The following SIDT2 variants were observed in gnomAD, a reference collection of about 807,000 sequenced individuals.
SIDT2 encodes the protein SID1 transmembrane family, member 2.
SIDT2 carries 68 observed loss-of-function variants against 114.4 expected under a neutral mutation model. The observed-to-expected ratio is 0.59, with a 90% CI of 0.49 to 0.73. The LOEUF (loss-of-function observed/expected upper bound fraction) is 0.73. SIDT2 is among the 30% of genes least tolerant of loss of function. The pLI is 0.00. For synonymous variants in SIDT2, 470 were observed against 438.4 expected (o/e 1.07, Z -0.90); for missense variants, 918 against 1,097.1 (o/e 0.84, Z 2.31).
In SIDT2 at chr11:117,192,030, G is replaced by C. The variant is rs1205767840; in HGVS notation, c.1872+16G>C. 10 of 1,613,970 alleles carry C rather than the reference G, an allele frequency of 6.2e-6. No homozygotes were observed. The highest frequency in any genetic ancestry group is 1.3e-5 in the African/African-American group (1 of 75,030). ...GCTGGGCGTGGTGAGGGCCTGACCT[G>C]CTCTGCTCAGCCTGTATGATAGGAA... On this transcript the variant is annotated intron_variant, in intron 19 of 25. Coordinates refer to ENST00000324225, the MANE Select transcript of SIDT2 (RefSeq NM_001040455.2). The surrounding 1 kb of genome is among the most constrained non-coding windows in gnomAD (Gnocchi z 5.9).
Position 117,192,050 on chromosome 11 carries a change from T to C in SIDT2, c.1872+36T>C, listed in dbSNP as rs1306826973. Reference sequence around the variant, plus strand: ...GACCTGCTCTGCTCAGCCTGTATGATAGGAAAGGTGCACGTGCGTTCAGAC... The same window carrying C: ...GACCTGCTCTGCTCAGCCTGTATGACAGGAAAGGTGCACGTGCGTTCAGAC... On this transcript the variant is annotated intron_variant, in intron 19 of 25. Transcript: ENST00000324225. This position sits in a 1 kb window ranked among gnomAD's most constrained non-coding sequence, Gnocchi z 5.9. 2 of 1,612,482 alleles carry C rather than the reference T, an allele frequency of 1.2e-6. No individual in the cohort carries two copies. Among genetic ancestry groups the C allele is most frequent in the Non-Finnish European group, 1.7e-6 (2 of 1,179,102 alleles).
intron 24 of SIDT2, 50 bp downstream of exon 24, chr11:117,194,013 C>T: frequency 7.0e-7 from 1 of 1,429,126 alleles, no homozygotes; most frequent in Non-Finnish European, 9.8e-7. Flanking sequence ...GGCCAGTCCT[C>T]TTTTTAAACA....
chr11:117,182,897 C>A, intron 6 of SIDT2, 91 bp downstream of exon 6: 1 of 1,365,638 alleles, frequency 7.3e-7, no homozygotes, highest in Admixed American at 2.1e-5. Flanking sequence ...CTGCCCATTC[C>A]TATCCTACAC....
chr11:117,184,941 G>A (rs1033057372), intron 8 of SIDT2, among the ~76,000 whole-genome samples: 1 of 152,070 alleles, frequency 6.6e-6, no homozygotes, highest in African/African-American at 2.4e-5. Context: ...TGGCCAGGCT[G>A]GTCTTGAACT....
At chr11:117,189,284 T>G (rs372481720) in intron 14 of SIDT2, 42 bp downstream of exon 14, 1 of 1,612,788 alleles carries the variant, frequency 6.2e-7, no homozygotes, top group African/African-American at 1.3e-5. Context: ...TTGGTGGGTG[T>G]GTGGCAGCCT....
Position 117,192,248 on chromosome 11 carries a change from C to G in SIDT2, c.1873-6C>G. The G allele has an allele frequency of 6.3e-7, 1 of 1,589,848 alleles. No individual in the cohort carries two copies. Among genetic ancestry groups the G allele is most frequent in the African/African-American group, 1.3e-5 (1 of 74,448 alleles). ...CTCACCGCTGCCCTTGGTGGCCTCC[C>G]GACAGGTCTTTGGCAAAGGGAACAC... is the stretch of plus-strand genomic sequence containing the variant. On this transcript the variant is annotated splice_polypyrimidine_tract_variant and splice_region_variant and intron_variant, in intron 19 of 25. Coordinates refer to ENST00000324225, the MANE Select transcript of SIDT2 (RefSeq NM_001040455.2). This position sits in a 1 kb window ranked among gnomAD's most constrained non-coding sequence, Gnocchi z 5.9.
intron 8 of SIDT2, among the ~76,000 whole-genome samples, chr11:117,184,915 G>A (rs1213164228): frequency 1.3e-5 from 2 of 151,934 alleles, no homozygotes; most frequent in Admixed American, 1.3e-4. Flanking sequence ...TAGTAGAGAC[G>A]GGGGTTTCAC....
rs1162295817 is a variant in SIDT2, at chr11:117,190,453, C to A, written c.1617+164C>A. Among the ~76,000 whole-genome samples, 1 of 151,670 alleles carries A rather than the reference C, an allele frequency of 6.6e-6. No homozygotes were observed. The highest frequency in any genetic ancestry group is 2.4e-5 in the African/African-American group (1 of 41,252). ...TCCAGCCCAGCCTGCCCCACCCTGC[C>A]CTGCCCTCCCTTGCCAGCCTGCCCA... is the stretch of plus-strand genomic sequence containing the variant. On this transcript the variant is annotated intron_variant, in intron 17 of 25. Transcript: ENST00000324225. The surrounding 1 kb of genome is among the most constrained non-coding windows in gnomAD (Gnocchi z 4.1).
Position 117,192,393 on chromosome 11 carries a change from G to C in SIDT2, c.1981+31G>C, listed in dbSNP as rs369931565. The C allele has an allele frequency of 2.0e-6, 3 of 1,483,050 alleles. No individual in the cohort carries two copies. The highest frequency in any genetic ancestry group is 2.8e-6 in the Non-Finnish European group (3 of 1,063,522). The allele number at this position is 1,483,050 out of a possible 1,614,324, so 91.9% of individuals were successfully genotyped here. On this transcript the variant is annotated intron_variant, in intron 20 of 25. Transcript: ENST00000324225. The surrounding 1 kb of genome is among the most constrained non-coding windows in gnomAD (Gnocchi z 5.9). ...GGCACGCCCGGGGCAGGGCCTGGGG[G>C]AGGGGTCTGGGGGGCCTTGGGAACC...
chr11:117,182,178 G>A (rs1161338351), intron 4 of SIDT2, 73 bp downstream of exon 4: 4 of 1,550,934 alleles, frequency 2.6e-6, no homozygotes, highest in Admixed American at 1.8e-5. Flanking sequence ...GTGGCCAGCG[G>A]TCTTTGCTTG....
At position 117,188,613 on chromosome 11, in the gene SIDT2, A is replaced by G; in HGVS notation, c.1160-95A>G. 3.1e-6 allele frequency: 3 copies of G among 968,488 alleles called. No homozygotes were observed. The highest frequency in any genetic ancestry group is 5.0e-5 in the East Asian group (2 of 40,392). 60.0% of individuals were successfully genotyped at this position (968,488 alleles called of 1,614,324 possible). On this transcript the variant is annotated intron_variant, in intron 12 of 25. Transcript: ENST00000324225. This position sits in a 1 kb window ranked among gnomAD's most constrained non-coding sequence, Gnocchi z 4.0. ...CCAGCCCACAATTTGCCTCTTCCCT[A>G]CTGCCTAATAATTGTTACAATTGCC... is the stretch of plus-strand genomic sequence containing the variant.
rs199642376 is a variant in SIDT2 at position 117,182,846 on chromosome 11, C to T, written c.702+40C>T. ...TGGCCACGTGGGAGGTGTGGCTGGG[C>T]GATAAGCTGTGTAGCTTTCCAAACT... On this transcript the variant is annotated intron_variant, in intron 6 of 25. Coordinates refer to ENST00000324225, the MANE Select transcript of SIDT2 (RefSeq NM_001040455.2). The T allele has an allele frequency of 1.1e-3, 1,764 of 1,590,544 alleles. 38 individuals are homozygous for T. In the East Asian group the frequency reaches 0.029, roughly 26 times the overall value.
Position 117,181,613 on chromosome 11 carries a change from C to T in SIDT2, c.305+76C>T, listed in dbSNP as rs186114355. 4,173 of 1,602,726 alleles carry T rather than the reference C, an allele frequency of 2.6e-3. 187 individuals carry two copies. In the Admixed American group the frequency reaches 0.068, roughly 26 times the overall value. ...GGCTGGAGCCTCAACCAGGAGCCCCCCCATTTCTCCTCCCCTTTCCCTGGG... is the reference window on the plus strand; with the variant it reads ...GGCTGGAGCCTCAACCAGGAGCCCCTCCATTTCTCCTCCCCTTTCCCTGGG... On this transcript the variant is annotated intron_variant, in intron 2 of 25. Coordinates refer to ENST00000324225, the MANE Select transcript of SIDT2 (RefSeq NM_001040455.2).
intron 11 of SIDT2, 45 bp from the exon 12 acceptor site, chr11:117,187,583 C>T (rs2030546108): frequency 1.2e-6 from 2 of 1,606,976 alleles, no homozygotes; most frequent in Non-Finnish European, 1.7e-6. Flanking sequence ...AGCCCCTTTC[C>T]CTGCGGCCTC....
rs1241232194 is a variant in SIDT2, at chr11:117,192,294, C to A, written c.1913C>A (p.Ser638Tyr). ...KGNTAFWIVF[S>Y]IIHIIATLLL... ...AACACGGCGTTCTGGATCGTCTTCTCCATCATTCACATCATCGCCACCCTG... is the reference window on the plus strand; with the variant it reads ...AACACGGCGTTCTGGATCGTCTTCTACATCATTCACATCATCGCCACCCTG... Residue 638 changes from serine (S) to tyrosine (Y), a missense_variant, in exon 20 of 26, where the codon TCC becomes TAC. Coordinates refer to ENST00000324225, the MANE Select transcript of SIDT2 (RefSeq NM_001040455.2). The surrounding 1 kb of genome is among the most constrained non-coding windows in gnomAD (Gnocchi z 5.9). The A allele has an allele frequency of 1.2e-6, 2 of 1,612,798 alleles. No individual in the cohort carries two copies. Among genetic ancestry groups the A allele is most frequent in the Admixed American group, 1.7e-5 (1 of 60,010 alleles).
chr11:117,183,778 G>A lies in SIDT2; in HGVS notation c.703-1G>A, dbSNP rs1474535666. 1.9e-6 allele frequency: 3 copies of A among 1,608,916 alleles called. No homozygotes were observed. Among genetic ancestry groups the A allele is most frequent in the Admixed American group, 3.3e-5 (2 of 59,962 alleles). ...AGATATTTATCATCATCATCCTGCA[G>A]CGCAAAGACTTCCCCAGCAACAGCT... On this transcript the variant is annotated splice_acceptor_variant, in intron 6 of 25. Transcript: ENST00000324225. LOFTEE classifies it high-confidence loss of function.
intron 10 of SIDT2, 106 bp from the exon 11 acceptor site, chr11:117,187,272 C>A: frequency 1.7e-6 from 2 of 1,149,114 alleles, no homozygotes; most frequent in Non-Finnish European, 2.6e-6. Context: ...CGTCTGCTGG[C>A]ATGGCCTCCC....
At chr11:117,194,507 C>A (rs1385538794) in intron 24 of SIDT2, among the ~76,000 whole-genome samples, 1 of 152,226 alleles carries the variant, frequency 6.6e-6, no homozygotes, top group Non-Finnish European at 1.5e-5. Context: ...TTGAAGCCAG[C>A]AAGGCTTGGC....
chr11:117,189,963 C>A lies in SIDT2; in HGVS notation c.1431C>A (p.Val477=). The A allele has an allele frequency of 6.2e-7, 1 of 1,614,132 alleles. No homozygotes were observed. Among genetic ancestry groups the A allele is most frequent in the Non-Finnish European group, 8.5e-7 (1 of 1,180,004 alleles). The change falls in exon 16 of 26, where the codon GTC becomes GTA. Residue 477 remains valine (V), a synonymous_variant. Transcript: ENST00000324225. ...TGCTCCTGCTACAGGTGGTGAATGTCACAGGGAATCAGGACATCTGCTACT... is the reference window on the plus strand; with the variant it reads ...TGCTCCTGCTACAGGTGGTGAATGTAACAGGGAATCAGGACATCTGCTACT... ...LVITYQTVVN[V]TGNQDICYYN...
Sources: allele counts gnomAD v4.1 joint callset (sites outside exome capture counted in the v4.1 genomes callset), GRCh38; gene constraint gnomAD v4.1.1; non-coding constraint Gnocchi (gnomAD v3.1); transcripts MANE v1.5; gene names NCBI Gene and HGNC (gene_info 2026-07-23, HGNC 2026-07-21).